ARFIP1: variants seen among roughly 807,000 people sequenced by gnomAD.
ARFIP1 encodes ARF interacting protein 1.
ARFIP1 carries 24 observed loss-of-function variants against 42.5 expected under a neutral mutation model. The ratio of observed to expected loss-of-function variants is 0.57; its 90% confidence interval spans 0.41 to 0.80. The LOEUF is 0.80. Ranked by LOEUF, ARFIP1 falls within the 30% of genes least tolerant of loss-of-function variation. ARFIP1 has a pLI of 0.00. For synonymous variants in ARFIP1, 141 were observed against 153.7 expected (o/e 0.92, Z 0.61); for missense variants, 354 against 434.0 (o/e 0.82, Z 1.64).
chr4:152,897,944 A>G (rs1737481730), intron 8 of ARFIP1, among the ~76,000 whole-genome samples: 2 of 151,448 alleles, frequency 1.3e-5, no homozygotes, highest in Non-Finnish European at 2.9e-5. Context: ...AAGTCTCAGA[A>G]GACACTAGCA....
chr4:152,888,295 A>G lies in ARFIP1; in HGVS notation c.954A>G (p.Leu318=), dbSNP rs1298396848. ...ATGTTTCTGTCAAATTGAAATTTCT[A>G]GAAGAAAATAAGGTAAATTCTTTAC... is the stretch of plus-strand genomic sequence containing the variant. The part of the protein sequence containing the change: ...RNDVSVKLKF[L]EENKVKVLHN... The change falls in exon 8 of 9, where the codon CTA becomes CTG. Residue 318 remains leucine, a synonymous_variant. Coordinates refer to ENST00000353617, the MANE Select transcript of ARFIP1 (RefSeq NM_001025595.3). 2 of 1,602,884 alleles carry G rather than the reference A, an allele frequency of 1.2e-6. No individual in the cohort carries two copies. The highest frequency in any genetic ancestry group is 1.3e-5 in the African/African-American group (1 of 74,464).
chr4:152,850,168 G>C (rs113496457), intron 2 of ARFIP1, among the ~76,000 whole-genome samples: 2 of 152,250 alleles, frequency 1.3e-5, no homozygotes, highest in African/African-American at 4.8e-5. Flanking sequence ...CAGATTTTAA[G>C]TGTTTTACAA....
At chr4:152,780,769 C>T (rs1730438893) in intron 1 of ARFIP1, among the ~76,000 whole-genome samples, 1 of 152,214 alleles carries the variant, frequency 6.6e-6, no homozygotes, top group African/African-American at 2.4e-5. Flanking sequence ...GTTCGATTGT[C>T]TTCTGCTCCG....
chr4:152,911,914 C>T lies in ARFIP1; in HGVS notation c.*1695C>T, dbSNP rs143387933. 5.9e-5 allele frequency: 9 copies of T among 152,534 alleles called. No homozygotes were observed. The highest frequency in any genetic ancestry group is 1.4e-4 in the African/African-American group (6 of 41,508). The allele number at this position is 152,534 out of a possible 1,614,324, so 9.4% of individuals were successfully genotyped here. A position where few individuals can be genotyped will look rare whatever the true frequency, so the allele number is the denominator to read the frequency against. ...ATTAAACGTGTTTGCTGCAGTAAAT[C>T]GTTTCTCTGGACCTTCATAGTTTAA... is the stretch of plus-strand genomic sequence containing the variant. On this transcript the variant is annotated 3_prime_UTR_variant, in exon 9 of 9. Coordinates refer to ENST00000353617, the MANE Select transcript of ARFIP1 (RefSeq NM_001025595.3).
chr4:152,872,444 T>C lies in ARFIP1; in HGVS notation c.299-8T>C. The C allele has an allele frequency of 6.4e-7, 1 of 1,566,738 alleles. No homozygotes were observed. Among genetic ancestry groups the C allele is most frequent in the South Asian group, 1.1e-5 (1 of 88,628 alleles). On this transcript the variant is annotated splice_polypyrimidine_tract_variant and splice_region_variant and intron_variant, in intron 4 of 8. Coordinates refer to ENST00000353617, the MANE Select transcript of ARFIP1 (RefSeq NM_001025595.3). Reference sequence around the variant, plus strand: ...TGGATTGTGTTTTTATCTTTTGTTATCTTGCAGGTGGCCAGAGAACACAGA... The same window carrying C: ...TGGATTGTGTTTTTATCTTTTGTTACCTTGCAGGTGGCCAGAGAACACAGA...
intron 2 of ARFIP1, among the ~76,000 whole-genome samples, chr4:152,839,901 G>GT (rs1174188461): frequency 6.6e-6 from 1 of 152,078 alleles, no homozygotes; most frequent in African/African-American, 2.4e-5. Flanking sequence ...TGCTGTTTCA[G>GT]TTTTTTTGAT....
chr4:152,828,141 G>A (rs762765674), intron 1 of ARFIP1, among the ~76,000 whole-genome samples: 4 of 152,160 alleles, frequency 2.6e-5, no homozygotes, highest in Non-Finnish European at 4.4e-5. Flanking sequence ...ATTATAAATT[G>A]TTATAAATAA....
chr4:152,820,349 C>T (rs942764639), intron 1 of ARFIP1, among the ~76,000 whole-genome samples: 10 of 152,200 alleles, frequency 6.6e-5, no homozygotes, highest in Admixed American at 5.2e-4. Flanking sequence ...GTGCACACTA[C>T]TGGGGAACAA....
intron 1 of ARFIP1, among the ~76,000 whole-genome samples, chr4:152,829,109 G>T (rs1174822379): frequency 6.6e-6 from 1 of 152,130 alleles, no homozygotes; most frequent in Non-Finnish European, 1.5e-5. Flanking sequence ...ACATTGTCTT[G>T]ATTATTGTAG....
intron 8 of ARFIP1, among the ~76,000 whole-genome samples, chr4:152,894,245 C>G (rs56038920): frequency 0.027 from 4,085 of 151,598 alleles, 100 homozygotes; most frequent in South Asian, 0.11. Context: ...TGCTCAAAGC[C>G]TAGTACTTTT....
chr4:152,841,402 C>T (rs985096260), intron 2 of ARFIP1, among the ~76,000 whole-genome samples: 2 of 152,108 alleles, frequency 1.3e-5, no homozygotes, highest in African/African-American at 4.8e-5. Flanking sequence ...ATGTGAGGTA[C>T]GGTTGCATTC....
intron 6 of ARFIP1, 113 bp from the exon 7 acceptor site, chr4:152,882,610 C>A: frequency 9.8e-7 from 1 of 1,017,928 alleles, no homozygotes; most frequent in Non-Finnish European, 1.4e-6. Context: ...AAAACTGCTA[C>A]AGCTAGATCT....
chr4:152,843,736 C>T (rs928108122), intron 2 of ARFIP1, among the ~76,000 whole-genome samples: 1 of 152,148 alleles, frequency 6.6e-6, no homozygotes, highest in Non-Finnish European at 1.5e-5. Context: ...AGCTCGCACG[C>T]AAACTGAAGG....
chr4:152,882,467 T>A (rs1472954358), intron 6 of ARFIP1, among the ~76,000 whole-genome samples: 1 of 152,202 alleles, frequency 6.6e-6, no homozygotes, highest in Non-Finnish European at 1.5e-5. Context: ...TTGTTTCTAC[T>A]ACAAAGTAAC....
At chr4:152,876,733 A>G (rs1164270191) in intron 5 of ARFIP1, among the ~76,000 whole-genome samples, 1 of 152,206 alleles carries the variant, frequency 6.6e-6, no homozygotes, top group Non-Finnish European at 1.5e-5. Context: ...CTGGAGGCCC[A>G]GGAGGAAAAT....
chr4:152,781,234 CTTTT>C (rs535397594), intron 1 of ARFIP1, among the ~76,000 whole-genome samples: 4 of 118,918 alleles, frequency 3.4e-5, no homozygotes, highest in Non-Finnish European at 5.0e-5. Flanking sequence ...TTTCTTTTTT[CTTTT>C]TTTTTTTTTT....
Position 152,881,180 on chromosome 4 carries a change from T to G in ARFIP1, c.629T>G (p.Leu210Arg). The change falls in exon 6 of 9, where the codon CTT becomes CGT. Residue 210 changes from leucine to arginine, a missense_variant. Physicochemically the swap from Leu to Arg is moderately radical, Grantham distance 102. Coordinates refer to ENST00000353617, the MANE Select transcript of ARFIP1 (RefSeq NM_001025595.3). ...FADLSLKSLE[L>R]HEEFGYNADT... is the part of the protein sequence containing the mutation. ...GACCTGAGTTTGAAGTCACTAGAAC[T>G]TCATGTAAGATTATTCTAAATAACT... The G allele has an allele frequency of 6.3e-7, 1 of 1,597,550 alleles. No individual in the cohort carries two copies. Among genetic ancestry groups the G allele is most frequent in the African/African-American group, 1.3e-5 (1 of 74,430 alleles).
In ARFIP1 at chr4:152,910,923, G is replaced by C. The variant is rs1738801020; in HGVS notation, c.*704G>C. ...GACAGTTACATTTGCAATTTCTTTTGGTTCATAACAAAACCTGCTTAAGAG... is the reference window on the plus strand; with the variant it reads ...GACAGTTACATTTGCAATTTCTTTTCGTTCATAACAAAACCTGCTTAAGAG... On this transcript the variant is annotated 3_prime_UTR_variant, in exon 9 of 9. Transcript: ENST00000353617. The C allele has an allele frequency of 6.6e-6, 1 of 152,288 alleles. No individual in the cohort carries two copies. The highest frequency in any genetic ancestry group is 1.9e-4 in the East Asian group (1 of 5,168). 9.4% of individuals were successfully genotyped at this position (152,288 alleles called of 1,614,324 possible).
intron 2 of ARFIP1, among the ~76,000 whole-genome samples, chr4:152,849,006 A>G (rs1456468256): frequency 1.3e-5 from 2 of 152,226 alleles, no homozygotes; most frequent in African/African-American, 4.8e-5. Flanking sequence ...TTTTAGAGGT[A>G]TGGCAAATGG....
Sources: gnomAD v4.1 joint callset for allele counts (sites outside exome capture counted in the v4.1 genomes callset) on GRCh38, gnomAD v4.1.1 for gene constraint, MANE v1.5 for transcripts, NCBI Gene and HGNC (gene_info 2026-07-23, HGNC 2026-07-21) for gene names.